Variants in PACSIN2 observed in about 807,000 individuals in gnomAD.
The protein encoded by PACSIN2 is protein kinase C and casein kinase substrate in neurons protein 2.
In PACSIN2, 25 loss-of-function variants were observed where a neutral mutation model predicts 63.8. That is an observed-to-expected ratio of 0.39 (90% CI 0.29 to 0.55). The LOEUF is 0.55. Ranked by LOEUF, PACSIN2 falls within the 20% of genes least tolerant of loss-of-function variation. The pLI is 0.62. For synonymous variants in PACSIN2, 255 were observed against 256.2 expected (o/e 1.00, Z 0.05); for missense variants, 518 against 646.9 (o/e 0.80, Z 2.16).
In PACSIN2 at chr22:42,934,177, T is replaced by C. The variant is rs79940798; in HGVS notation, c.-77-22020A>G. Among the ~76,000 whole-genome samples, 838 of 152,310 alleles carry C rather than the reference T, an allele frequency of 5.5e-3. 9 individuals are homozygous for C. Among genetic ancestry groups the C allele is most frequent in the African/African-American group, 0.02 (813 of 41,556 alleles). ...CAACTTATATGTTTTAGAGTTGAGA[T>C]GGGAGTATGGAAACGTGCAGAGAGC... On this transcript the variant is annotated intron_variant, in intron 1 of 10. Coordinates refer to ENST00000263246, the MANE Select transcript of PACSIN2 (RefSeq NM_001184970.3).
intron 1 of PACSIN2, among the ~76,000 whole-genome samples, chr22:42,983,706 C>G (rs1433357540): frequency 6.6e-6 from 1 of 152,200 alleles, no homozygotes. Context: ...AAGCCATCCT[C>G]CCACCTCAGC....
At chr22:42,971,511 T>C (rs564095394) in intron 1 of PACSIN2, among the ~76,000 whole-genome samples, 2 of 151,974 alleles carry the variant, frequency 1.3e-5, no homozygotes, top group African/African-American at 4.8e-5. Flanking sequence ...CGCCACCCCA[T>C]CTGGGAAGTG....
At chr22:43,014,364 A>ACCC (rs1221610452) in intron 1 of PACSIN2, among the ~76,000 whole-genome samples, 3 of 5,296 alleles carry the variant, frequency 5.7e-4, no homozygotes, top group East Asian at 0.016. Context: ...ACACACACAC[A>ACCC]CCACCCCCCC....
At chr22:42,960,182 T>C (rs1934081070) in intron 1 of PACSIN2, among the ~76,000 whole-genome samples, 1 of 152,248 alleles carries the variant, frequency 6.6e-6, no homozygotes, top group Non-Finnish European at 1.5e-5. Flanking sequence ...AGTCTTCTAA[T>C]ATCTTCTTGT....
chr22:42,874,514 G>A (rs117767678), intron 10 of PACSIN2, among the ~76,000 whole-genome samples: 4 of 152,318 alleles, frequency 2.6e-5, no homozygotes, highest in Admixed American at 2.0e-4. Context: ...GCAGGTAGGT[G>A]TGCACACACA....
At chr22:42,967,298 C>T (rs1920972305) in intron 1 of PACSIN2, among the ~76,000 whole-genome samples, 1 of 152,112 alleles carries the variant, frequency 6.6e-6, no homozygotes, top group African/African-American at 2.4e-5. Flanking sequence ...AGAGCAGGGA[C>T]CAGATAGAAG....
At chr22:42,913,731 G>A (rs899888260) in intron 1 of PACSIN2, among the ~76,000 whole-genome samples, 1 of 152,068 alleles carries the variant, frequency 6.6e-6, no homozygotes, top group Non-Finnish European at 1.5e-5. Flanking sequence ...TTAAAGTCAA[G>A]ACAATTGATG....
rs374809612 is a variant in PACSIN2, at chr22:42,895,269, G to A, written c.61-1656C>T. On this transcript the variant is annotated intron_variant, in intron 2 of 10. Coordinates refer to ENST00000263246, the MANE Select transcript of PACSIN2 (RefSeq NM_001184970.3). ...ATTATGTGGTTGCTTCCCTTAAAAT[G>A]AGGCCTTACTGTCATTTTGAAATTT... 2.8e-4 allele frequency among the ~76,000 whole-genome samples: 43 copies of A among 152,342 alleles called. 1 individual carries two copies. In the East Asian group the frequency reaches 7.3e-3, roughly 26 times the overall value.
At position 42,884,266 on chromosome 22, in the gene PACSIN2, G is replaced by A. The variant is rs577996186; in HGVS notation, c.785+120C>T. 4.7e-4 allele frequency: 398 copies of A among 839,076 alleles called. 1 individual carries two copies. Among genetic ancestry groups the A allele is most frequent in the Admixed American group, 7.3e-4 (32 of 44,088 alleles). The allele number at this position is 839,076 out of a possible 1,614,324, so 52.0% of individuals were successfully genotyped here. A position where few individuals can be genotyped will look rare whatever the true frequency, so the allele number is the denominator to read the frequency against. ...CAAAGAAGCAGGAGGCCCTGAGGGC[G>A]GTGAGGAGACCTCCTGATGAACGCG... On this transcript the variant is annotated intron_variant, in intron 6 of 10. Transcript: ENST00000263246.
At chr22:42,921,372 GAA>G (rs66480466) in intron 1 of PACSIN2, among the ~76,000 whole-genome samples, 74 of 125,026 alleles carry the variant, frequency 5.9e-4, no homozygotes, top group East Asian at 3.2e-3. Flanking sequence ...AAAGAAAAAA[GAA>G]AAAAAAAAAA....
At chr22:42,956,719 C>T (rs1252037164) in intron 1 of PACSIN2, among the ~76,000 whole-genome samples, 1 of 152,066 alleles carries the variant, frequency 6.6e-6, no homozygotes, top group African/African-American at 2.4e-5. Flanking sequence ...ACCAACAACA[C>T]AAACTCTGAG....
At chr22:42,872,004 G>A (rs919611360) in intron 10 of PACSIN2, among the ~76,000 whole-genome samples, 2 of 152,228 alleles carry the variant, frequency 1.3e-5, no homozygotes, top group Admixed American at 6.5e-5. Flanking sequence ...GATGACTTGT[G>A]CACGGTGCCA....
intron 2 of PACSIN2, among the ~76,000 whole-genome samples, chr22:42,910,836 A>G (rs901450557): frequency 6.6e-6 from 1 of 152,040 alleles, no homozygotes; most frequent in Non-Finnish European, 1.5e-5. Context: ...GGCAGAAGCC[A>G]GCTTCTGGAG....
At chr22:42,885,639 G>A (rs989033600) in intron 5 of PACSIN2, among the ~76,000 whole-genome samples, 2 of 152,060 alleles carry the variant, frequency 1.3e-5, no homozygotes, top group Non-Finnish European at 2.9e-5. Context: ...ACGTGGCTCA[G>A]AGCCCTGGGA....
chr22:43,002,415 A>T (rs763071549), intron 1 of PACSIN2: 1 of 152,204 alleles, frequency 6.6e-6, no homozygotes, highest in Non-Finnish European at 1.5e-5. Context: ...GGATTTTCTA[A>T]AACAGCGTTC....
chr22:42,878,707 G>A (rs575431133), intron 8 of PACSIN2, among the ~76,000 whole-genome samples: 5 of 152,206 alleles, frequency 3.3e-5, no homozygotes, highest in African/African-American at 1.2e-4. Flanking sequence ...ACCAGTGTCC[G>A]GGCAGGGCGG....
At chr22:42,913,202 G>C (rs369600317) in intron 1 of PACSIN2, among the ~76,000 whole-genome samples, 1 of 152,124 alleles carries the variant, frequency 6.6e-6, no homozygotes, top group East Asian at 1.9e-4. Flanking sequence ...ACAATAGGCC[G>C]GGCACAGTGG....
chr22:42,877,474 C>T (rs994569126), intron 8 of PACSIN2, among the ~76,000 whole-genome samples: 8 of 152,304 alleles, frequency 5.3e-5, no homozygotes, highest in Admixed American at 1.3e-4. Flanking sequence ...TCAGCCCACA[C>T]GGCCTCCTCC....
intron 1 of PACSIN2, among the ~76,000 whole-genome samples, chr22:42,939,174 C>T (rs969191977): frequency 6.6e-6 from 1 of 152,182 alleles, no homozygotes; most frequent in Admixed American, 6.5e-5. Context: ...CCCCAAAACT[C>T]GTTTATCTTA....
Sources: allele counts gnomAD v4.1 joint callset (sites outside exome capture counted in the v4.1 genomes callset), GRCh38; gene constraint gnomAD v4.1.1; transcripts MANE v1.5; gene names NCBI Gene and HGNC (gene_info 2026-07-23, HGNC 2026-07-21).